CHD2: variants seen among roughly 807,000 people sequenced by gnomAD.
The protein encoded by CHD2 is ATP-dependent chromatin remodeler CHD2.
A neutral mutation model predicts 243.9 loss-of-function variants in CHD2; 28 were observed. The ratio of observed to expected loss-of-function variants is 0.11; its 90% CI spans 0.09 to 0.16. CHD2 has a LOEUF of 0.16. CHD2 is among the 10% of genes least tolerant of loss of function. The pLI is 1.00. For synonymous variants in CHD2, 775 were observed against 779.0 expected (o/e 0.99, Z 0.09); for missense variants, 1,386 against 2,209.8 (o/e 0.63, Z 7.47).
In CHD2 at chr15:92,979,168, G is replaced by A; in HGVS notation, c.2761G>A (p.Val921Met). ...NIYRLVTKGT[V>M]EEEIIERAKK... ...TTACCGCTTAGTTACAAAGGGGACT[G>A]TGGAGGAGGAGATCATAGAACGGGC... The change falls in exon 22 of 39, where the codon GTG becomes ATG. Residue 921 changes from valine to methionine, a missense_variant. Transcript: ENST00000394196. The A allele has an allele frequency of 1.2e-6, 2 of 1,614,120 alleles. No homozygotes were observed. Among genetic ancestry groups the A allele is most frequent in the South Asian group, 1.1e-5 (1 of 91,082 alleles).
At position 92,906,054 on chromosome 15, in the gene CHD2, C is replaced by T. The variant is rs1402905162; in HGVS notation, c.62+4755C>T. Reference sequence around the variant, plus strand: ...TATTCTGTTATTTAAGATATTTTAACCTAAATACCATTATGAGTTAAAATG... The same window carrying T: ...TATTCTGTTATTTAAGATATTTTAATCTAAATACCATTATGAGTTAAAATG... On this transcript the variant is annotated intron_variant, in intron 2 of 38. Transcript: ENST00000394196. Among the ~76,000 whole-genome samples the T allele has an allele frequency of 2.0e-5, 3 of 152,152 alleles. No individual in the cohort carries two copies. The South Asian group carries it at 6.2e-4, about 32-fold the overall frequency.
chr15:93,000,885 T>G (rs2054246421), intron 32 of CHD2, among the ~76,000 whole-genome samples: 1 of 152,192 alleles, frequency 6.6e-6, no homozygotes, highest in African/African-American at 2.4e-5. Flanking sequence ...TGTTTGTTTT[T>G]GAGATGAAGT....
At chr15:92,933,066 A>G (rs1384705440) in intron 5 of CHD2, among the ~76,000 whole-genome samples, 2 of 149,406 alleles carry the variant, frequency 1.3e-5, no homozygotes, top group African/African-American at 4.9e-5. Context: ...TTTTTAAGTT[A>G]AAGAGACAGG....
chr15:92,982,179 G>A (rs1344777851), intron 24 of CHD2, among the ~76,000 whole-genome samples: 2 of 152,160 alleles, frequency 1.3e-5, no homozygotes, highest in African/African-American at 4.8e-5. Flanking sequence ...AGACTGGAAG[G>A]GATACAGTCA....
chr15:93,023,230 C>T (rs2141759235), intron 38 of CHD2, among the ~76,000 whole-genome samples: 1 of 152,344 alleles, frequency 6.6e-6, no homozygotes, highest in Middle Eastern at 3.4e-3. Flanking sequence ...CATTCTGTCT[C>T]TCTGGATTTG....
chr15:92,994,378 CTTTT>C (rs1312418300), intron 28 of CHD2, among the ~76,000 whole-genome samples: 1 of 151,734 alleles, frequency 6.6e-6, no homozygotes, highest in Admixed American at 6.6e-5. Flanking sequence ...TTCTTTTTTT[CTTTT>C]TAAGATTTTA....
Position 93,024,458 on chromosome 15 carries a change from A to T in CHD2, c.5240A>T (p.His1747Leu). The change falls in exon 39 of 39, where the codon CAC becomes CTC. Residue 1747 changes from histidine (H) to leucine (L), a missense_variant. Coordinates refer to ENST00000394196, the MANE Select transcript of CHD2 (RefSeq NM_001271.4). ...HQQDFRRMSD[H>L]RPAMGYHGQG... The stretch of plus-strand genomic sequence containing the variant: ...CAGGATTTCCGACGAATGTCTGATC[A>T]CCGCCCCGCTATGGGCTACCATGGC... 1 of 1,614,162 alleles carries T rather than the reference A, an allele frequency of 6.2e-7. No individual in the cohort carries two copies.
chr15:92,916,866 T>G (rs2052847902), intron 2 of CHD2, among the ~76,000 whole-genome samples: 1 of 152,198 alleles, frequency 6.6e-6, no homozygotes, highest in African/African-American at 2.4e-5. Context: ...CGTATACATT[T>G]TAAGGGTTAC....
Position 92,953,030 on chromosome 15 carries a change from C to T in CHD2, c.1503-327C>T, listed in dbSNP as rs555974085. Among the ~76,000 whole-genome samples the T allele has an allele frequency of 1.7e-4, 26 of 152,322 alleles. 1 individual carries two copies. The highest frequency in any genetic ancestry group is 6.0e-4 in the African/African-American group (25 of 41,580). On this transcript the variant is annotated intron_variant, in intron 13 of 38. Transcript: ENST00000394196. ...GAGTCTAAGGTTACATGCTTGTCTT[C>T]ACTTTTTACAAAGCCTGTCTTCTCT...
At chr15:92,949,567 G>C (rs953930423) in intron 13 of CHD2, among the ~76,000 whole-genome samples, 4 of 152,116 alleles carry the variant, frequency 2.6e-5, no homozygotes, top group African/African-American at 9.7e-5. Context: ...CCTGTTCAGA[G>C]GAAGGTTGAA....
At chr15:92,919,206 G>A (rs2052906322) in intron 2 of CHD2, among the ~76,000 whole-genome samples, 1 of 151,908 alleles carries the variant, frequency 6.6e-6, no homozygotes, top group Admixed American at 6.6e-5. Flanking sequence ...GTGTCATCCA[G>A]GCTGGAGTGC....
In CHD2 at chr15:92,901,264, AGAG is replaced by A. The variant is rs772244385; in HGVS notation, c.33_35del (p.Glu11del). 9 of 1,606,488 alleles carry A rather than the reference AGAG, an allele frequency of 5.6e-6. No individual in the cohort carries two copies. Among genetic ancestry groups the A allele is most frequent in the Admixed American group, 5.0e-5 (3 of 59,908 alleles). On this transcript the variant is annotated inframe_deletion, in exon 2 of 39. Transcript: ENST00000394196. ...TGATGAGAAATAAGGACAAAAGCCAAGAGGAGGACAGTTCGCTACACAGCAATG... is the reference window on the plus strand; with the variant it reads ...TGATGAGAAATAAGGACAAAAGCCAAGAGGACAGTTCGCTACACAGCAATG...
At chr15:92,996,160 CTTT>C (rs10712520) in intron 28 of CHD2, among the ~76,000 whole-genome samples, 15 of 112,964 alleles carry the variant, frequency 1.3e-4, no homozygotes, top group Middle Eastern at 5.0e-3. Flanking sequence ...GGGTAAGTTT[CTTT>C]TTTTTTTTTT....
intron 36 of CHD2, among the ~76,000 whole-genome samples, 161 bp downstream of exon 36, chr15:93,012,605 A>G (rs548413384): frequency 6.6e-6 from 1 of 152,336 alleles, no homozygotes; most frequent in East Asian, 1.9e-4. Context: ...TAGCCAATGT[A>G]TTGGAGCCTA....
rs182918366 is a variant in CHD2, at chr15:93,008,038, C to G, written c.4414-1107C>G. 2.0e-5 allele frequency among the ~76,000 whole-genome samples: 3 copies of G among 152,308 alleles called. No individual in the cohort carries two copies. The East Asian group carries it at 5.8e-4, about 29-fold the overall frequency. ...GCATGTGGGTGGTGGGGCTTGATCT[C>G]CTTTGAAAGTTTTCATTATAGGATG... On this transcript the variant is annotated intron_variant, in intron 34 of 38. Transcript: ENST00000394196.
chr15:92,948,873 C>T (rs1001129994), intron 12 of CHD2, 79 bp from the exon 13 acceptor site: 88 of 1,468,994 alleles, frequency 6.0e-5, no homozygotes, highest in Non-Finnish European at 7.2e-5. Flanking sequence ...GCTTTGATGC[C>T]GAATATGTGA....
chr15:92,945,663 G>T (rs945805808), intron 10 of CHD2, 158 bp from the exon 11 acceptor site: 1 of 409,652 alleles, frequency 2.4e-6, no homozygotes, highest in Non-Finnish European at 4.4e-6. Context: ...CTCCCAAAGT[G>T]CTGGGATTAC....
intron 31 of CHD2, among the ~76,000 whole-genome samples, chr15:93,000,265 C>T (rs1007812634): frequency 3.3e-5 from 5 of 150,612 alleles, no homozygotes; most frequent in South Asian, 2.1e-4. Flanking sequence ...GACTCCATCT[C>T]GGAAAAAAAA....
intron 2 of CHD2, among the ~76,000 whole-genome samples, chr15:92,912,770 G>A (rs147751341): frequency 0.012 from 1,836 of 147,164 alleles, 36 homozygotes; most frequent in Non-Finnish European, 0.017. Context: ...TCCTGACCTC[G>A]TGATCCGCCA....
Sources: gnomAD v4.1 joint callset for allele counts (sites outside exome capture counted in the v4.1 genomes callset) on GRCh38, gnomAD v4.1.1 for gene constraint, MANE v1.5 for transcripts, NCBI Gene and HGNC (gene_info 2026-07-23, HGNC 2026-07-21) for gene names.